The following NAALADL2 variants were observed in gnomAD, a reference collection of about 807,000 sequenced individuals.
The protein encoded by NAALADL2 is inactive N-acetylated-alpha-linked acidic dipeptidase-like protein 2.
Under a neutral mutation model 87.2 loss-of-function variants are expected in NAALADL2, and 76 were observed. That is an observed-to-expected ratio of 0.87 (90% CI 0.72 to 1.05). NAALADL2 has a LOEUF of 1.05. NAALADL2 is among the 50% of genes least tolerant of loss of function. The pLI, the probability that NAALADL2 is intolerant of heterozygous loss-of-function variation, is 0.00. For missense variants in NAALADL2, 1,089 were observed against 945.8 expected (o/e 1.15, Z -1.99); for synonymous variants, 354 against 331.0 (o/e 1.07, Z -0.75).
rs114367260 is a variant in NAALADL2 at position 175,641,540 on chromosome 3, C to G, written c.1896+14154C>G. Reference sequence around the variant, plus strand: ...CACTAAAGAGCAATTTAAAGCATAGCATGGGAATAAACAAAAACAATGTGA... The same window carrying G: ...CACTAAAGAGCAATTTAAAGCATAGGATGGGAATAAACAAAAACAATGTGA... On this transcript the variant is annotated intron_variant, in intron 11 of 13. Coordinates refer to ENST00000454872, the MANE Select transcript of NAALADL2 (RefSeq NM_207015.3). Among the ~76,000 whole-genome samples the G allele has an allele frequency of 6.9e-3, 1,047 of 152,226 alleles. 9 individuals carry two copies. Among genetic ancestry groups the G allele is most frequent in the African/African-American group, 0.023 (961 of 41,520 alleles).
intron 3 of NAALADL2, among the ~76,000 whole-genome samples, chr3:174,747,899 A>G (rs1184147535): frequency 1.3e-5 from 2 of 152,136 alleles, no homozygotes; most frequent in Middle Eastern, 3.2e-3. Flanking sequence ...CAGCAAAGAC[A>G]TAGACTCAAC....
At chr3:175,068,943 G>A (rs199649352) in intron 1 of NAALADL2, among the ~76,000 whole-genome samples, 10 of 152,080 alleles carry the variant, frequency 6.6e-5, no homozygotes, top group South Asian at 2.1e-4. Context: ...TTCCCCATAC[G>A]CCACTTATGT....
chr3:174,768,923 ATAAGT>A (rs1304847487), intron 3 of NAALADL2, among the ~76,000 whole-genome samples: 1 of 152,018 alleles, frequency 6.6e-6, no homozygotes, highest in African/African-American at 2.4e-5. Flanking sequence ...TATACATTTA[ATAAGT>A]TAATATAGTA....
intron 9 of NAALADL2, among the ~76,000 whole-genome samples, chr3:175,498,453 A>G (rs1295640380): frequency 1.3e-5 from 2 of 152,040 alleles, no homozygotes; most frequent in Non-Finnish European, 2.9e-5. Flanking sequence ...GTATGTCTTG[A>G]TATTTTACAA....
intron 2 of NAALADL2, among the ~76,000 whole-genome samples, chr3:174,633,808 C>T (rs1455389559): frequency 6.6e-6 from 1 of 152,116 alleles, no homozygotes; most frequent in Non-Finnish European, 1.5e-5. Flanking sequence ...GTCCATGATT[C>T]ATCATTAAAT....
intron 2 of NAALADL2, among the ~76,000 whole-genome samples, chr3:175,125,627 G>A (rs968594758): frequency 1.3e-5 from 2 of 151,984 alleles, no homozygotes; most frequent in African/African-American, 2.4e-5. Flanking sequence ...GTGGCTAAAA[G>A]AACATACAGT....
chr3:175,402,706 A>G (rs921229877), intron 5 of NAALADL2, among the ~76,000 whole-genome samples: 2 of 152,016 alleles, frequency 1.3e-5, no homozygotes, highest in South Asian at 2.1e-4. Flanking sequence ...GCTAATGGTC[A>G]TTCCTTCAGA....
chr3:175,553,578 A>T (rs982899097), intron 9 of NAALADL2, among the ~76,000 whole-genome samples: 1 of 151,852 alleles, frequency 6.6e-6, no homozygotes, highest in African/African-American at 2.4e-5. Flanking sequence ...CTTTTGTAAA[A>T]GTTTGACATC....
chr3:174,751,662 C>A (rs373774619), intron 3 of NAALADL2, among the ~76,000 whole-genome samples: 1,131 of 128,214 alleles, frequency 8.8e-3, no homozygotes, highest in Middle Eastern at 0.013. Flanking sequence ...GACTTTGTCT[C>A]AAAAAAAAAA....
At chr3:175,692,292 G>C (rs1737154550) in intron 11 of NAALADL2, among the ~76,000 whole-genome samples, 1 of 152,138 alleles carries the variant, frequency 6.6e-6, no homozygotes, top group African/African-American at 2.4e-5. Flanking sequence ...TGCATCTTGA[G>C]AATGATATAG....
At chr3:174,905,446 G>A (rs967086842) in intron 1 of NAALADL2, among the ~76,000 whole-genome samples, 4 of 151,768 alleles carry the variant, frequency 2.6e-5, no homozygotes, top group South Asian at 2.1e-4. Flanking sequence ...TAGCATATTC[G>A]TAAAGTTAAA....
chr3:175,209,680 TACTG>T (rs1338078299), intron 2 of NAALADL2, among the ~76,000 whole-genome samples: 1 of 151,560 alleles, frequency 6.6e-6, no homozygotes, highest in African/African-American at 2.4e-5. Context: ...GGTGATATGT[TACTG>T]ACACATGTAG....
chr3:174,787,609 A>G (rs1456091377), intron 3 of NAALADL2, among the ~76,000 whole-genome samples: 1 of 112,034 alleles, frequency 8.9e-6, no homozygotes, highest in Non-Finnish European at 2.0e-5. Context: ...ATATATATAT[A>G]TATATATATA....
chr3:175,731,657 T>C lies in NAALADL2; in HGVS notation c.1897-5649T>C, dbSNP rs535758303. On this transcript the variant is annotated intron_variant, in intron 11 of 13. Coordinates refer to ENST00000454872, the MANE Select transcript of NAALADL2 (RefSeq NM_207015.3). ...CAAATCTTCCTCTTGCTTACGAAGC[T>C]GCAAAGAAAGCTGATTTAGTCTAAC... 4.6e-5 allele frequency among the ~76,000 whole-genome samples: 7 copies of C among 152,332 alleles called. No individual in the cohort carries two copies. In the South Asian group the frequency reaches 1.4e-3, roughly 32 times the overall value.
chr3:174,636,377 G>C (rs761386973), intron 2 of NAALADL2, among the ~76,000 whole-genome samples: 1 of 152,108 alleles, frequency 6.6e-6, no homozygotes, highest in Non-Finnish European at 1.5e-5. Flanking sequence ...CACAGTGAAA[G>C]AAACAATCTA....
chr3:175,238,641 T>A (rs543957691), intron 3 of NAALADL2, among the ~76,000 whole-genome samples: 1 of 152,320 alleles, frequency 6.6e-6, no homozygotes, highest in South Asian at 2.1e-4. Flanking sequence ...TCTAGGTGGC[T>A]ATTATATATG....
chr3:174,765,649 T>C (rs1172313377), intron 3 of NAALADL2, among the ~76,000 whole-genome samples: 1 of 152,106 alleles, frequency 6.6e-6, no homozygotes, highest in African/African-American at 2.4e-5. Flanking sequence ...TTGTTATTTA[T>C]TTTTTGAATA....
chr3:174,595,304 T>C (rs1322208241), intron 2 of NAALADL2, among the ~76,000 whole-genome samples: 3 of 152,138 alleles, frequency 2.0e-5, no homozygotes, highest in Non-Finnish European at 4.4e-5. Context: ...CCTTTCTCTC[T>C]GTCTTATTTG....
At chr3:175,256,279 G>A (rs1581144253) in intron 3 of NAALADL2, 132 bp from the exon 4 acceptor site, 1 of 805,142 alleles carries the variant, frequency 1.2e-6, no homozygotes, top group Non-Finnish European at 1.9e-6. Context: ...AATTGGGACA[G>A]GGTAAGAGAT....
Sources: gnomAD v4.1 joint callset for allele counts (sites outside exome capture counted in the v4.1 genomes callset) on GRCh38, gnomAD v4.1.1 for gene constraint, MANE v1.5 for transcripts, NCBI Gene and HGNC (gene_info 2026-07-23, HGNC 2026-07-21) for gene names.